The following DGKD variants were observed in gnomAD, a reference collection of about 807,000 sequenced individuals.
DGKD encodes DAG kinase delta.
DGKD carries 68 observed loss-of-function variants against 154.4 expected under a neutral mutation model. That is an observed-to-expected ratio of 0.44 (90% CI 0.36 to 0.54). DGKD has a LOEUF of 0.54. Among genes scored for constraint, DGKD ranks in the 20% least tolerant of loss-of-function variants. The pLI is 0.00. For synonymous variants in DGKD, 693 were observed against 638.0 expected (o/e 1.09, Z -1.30); for missense variants, 1,343 against 1,593.6 (o/e 0.84, Z 2.68).
chr2:233,357,628 C>T (rs1295717386), intron 1 of DGKD, among the ~76,000 whole-genome samples: 4 of 151,272 alleles, frequency 2.6e-5, no homozygotes, highest in Non-Finnish European at 4.4e-5. Flanking sequence ...CCTTTGCCTC[C>T]TGGGCTTAAG....
intron 1 of DGKD, among the ~76,000 whole-genome samples, chr2:233,373,255 T>C (rs1235624839): frequency 6.6e-6 from 1 of 152,174 alleles, no homozygotes; most frequent in African/African-American, 2.4e-5. Flanking sequence ...ACAGAATGCG[T>C]TTCAGCAGTG....
chr2:233,412,401 A>G (rs1350824456), intron 3 of DGKD, among the ~76,000 whole-genome samples: 2 of 152,200 alleles, frequency 1.3e-5, no homozygotes, highest in Non-Finnish European at 2.9e-5. Flanking sequence ...TGGAATTTAT[A>G]AACATTTTAT....
intron 3 of DGKD, among the ~76,000 whole-genome samples, chr2:233,398,503 A>G (rs949164325): frequency 6.6e-6 from 1 of 152,126 alleles, no homozygotes; most frequent in African/African-American, 2.4e-5. Context: ...CTCCAGGGAA[A>G]GATTTTCCTT....
At chr2:233,455,279 C>T (rs1200376393) in intron 19 of DGKD, among the ~76,000 whole-genome samples, 6 of 152,204 alleles carry the variant, frequency 3.9e-5, no homozygotes, top group South Asian at 2.1e-4. Flanking sequence ...CCATCACACC[C>T]GAGCCTGCCC....
chr2:233,422,788 C>T (rs943881482), intron 3 of DGKD, among the ~76,000 whole-genome samples: 1 of 152,128 alleles, frequency 6.6e-6, no homozygotes, highest in Non-Finnish European at 1.5e-5. Flanking sequence ...GTACCCTTTA[C>T]CCAGTTGCAT....
At chr2:233,429,953 AC>A (rs1463181272) in intron 3 of DGKD, among the ~76,000 whole-genome samples, 1 of 152,224 alleles carries the variant, frequency 6.6e-6, no homozygotes, top group African/African-American at 2.4e-5. Context: ...CCTGTAAAGC[AC>A]TTTCTATGGT....
Position 233,383,330 on chromosome 2 carries a change from C to G in DGKD, c.157-4927C>G, listed in dbSNP as rs953793490. On this transcript the variant is annotated intron_variant, in intron 1 of 29. Coordinates refer to ENST00000264057, the MANE Select transcript of DGKD (RefSeq NM_152879.3). ...TGCTGGAATTACAGGCATGAGCCAC[C>G]GCGCCCAGCCCGTTCCATGGGAGTT... Among the ~76,000 whole-genome samples, 19 of 152,200 alleles carry G rather than the reference C, an allele frequency of 1.2e-4. No individual in the cohort carries two copies. In the South Asian group the frequency reaches 3.9e-3, roughly 32 times the overall value.
At chr2:233,467,272 C>G in intron 28 of DGKD, 69 bp downstream of exon 28, 1 of 1,117,968 alleles carries the variant, frequency 8.9e-7, no homozygotes, top group Non-Finnish European at 1.4e-6. Flanking sequence ...TTCCCCTGGT[C>G]TCTGCTTTCT....
chr2:233,356,447 G>A (rs1026716838), intron 1 of DGKD, among the ~76,000 whole-genome samples: 1 of 152,178 alleles, frequency 6.6e-6, no homozygotes, highest in East Asian at 1.9e-4. Context: ...GATACTGATA[G>A]GAGTTGCTTT....
chr2:233,431,005 A>G (rs1179568189), intron 3 of DGKD, among the ~76,000 whole-genome samples: 1 of 152,236 alleles, frequency 6.6e-6, no homozygotes, highest in Non-Finnish European at 1.5e-5. Flanking sequence ...AAAAGAAATA[A>G]AGGGTATCCA....
At position 233,438,768 on chromosome 2, in the gene DGKD, A is replaced by G. The variant is rs766094887; in HGVS notation, c.1085+389A>G. On this transcript the variant is annotated intron_variant, in intron 9 of 29. Coordinates refer to ENST00000264057, the MANE Select transcript of DGKD (RefSeq NM_152879.3). The surrounding 1 kb of genome is among the most constrained non-coding windows in gnomAD (Gnocchi z 4.1). ...CTGTCTATCTATCATCTATCTATCT[A>G]TCTATCTATCTATCTATCTATCTAT... Among the ~76,000 whole-genome samples, 20,552 of 127,608 alleles carry G rather than the reference A, an allele frequency of 0.16. 1,583 individuals carry two copies. Among genetic ancestry groups the G allele is most frequent in the African/African-American group, 0.21 (7,612 of 35,714 alleles). 83.7% of individuals were successfully genotyped at this position (127,608 alleles called of 152,430 possible).
In DGKD at chr2:233,469,559, C is replaced by T; in HGVS notation, c.*99C>T. The T allele has an allele frequency of 9.5e-7, 1 of 1,048,372 alleles. No individual in the cohort carries two copies. Among genetic ancestry groups the T allele is most frequent in the Non-Finnish European group, 1.4e-6 (1 of 705,264 alleles). 64.9% of individuals were successfully genotyped at this position (1,048,372 alleles called of 1,614,324 possible). A position where few individuals can be genotyped will look rare whatever the true frequency, so the allele number is the denominator to read the frequency against. ...CTCTGCGCCTCCTGCCACTGAGGCCCTGGGCAGATGCTGCAGCCCGCCCCC... is the reference window on the plus strand; with the variant it reads ...CTCTGCGCCTCCTGCCACTGAGGCCTTGGGCAGATGCTGCAGCCCGCCCCC... On this transcript the variant is annotated 3_prime_UTR_variant, in exon 30 of 30. Coordinates refer to ENST00000264057, the MANE Select transcript of DGKD (RefSeq NM_152879.3).
intron 3 of DGKD, among the ~76,000 whole-genome samples, chr2:233,402,564 GGCAAGCCCCGCTGAA>G (rs1490093881): frequency 6.6e-6 from 1 of 152,106 alleles, no homozygotes; most frequent in African/African-American, 2.4e-5. Flanking sequence ...CCCCTTCCTT[GGCAAGCCCCGCTGAA>G]GAGGTGCTCA....
intron 3 of DGKD, among the ~76,000 whole-genome samples, chr2:233,423,675 G>T (rs2062194519): frequency 6.6e-6 from 1 of 152,064 alleles, no homozygotes; most frequent in African/African-American, 2.4e-5. Context: ...GGAGTGGGGT[G>T]GGCATGGTTT....
Position 233,434,766 on chromosome 2 carries a change from C to T in DGKD, c.454-3C>T. 1 of 1,600,846 alleles carries T rather than the reference C, an allele frequency of 6.2e-7. No individual in the cohort carries two copies. Among genetic ancestry groups the T allele is most frequent in the Non-Finnish European group, 8.5e-7 (1 of 1,174,262 alleles). The stretch of plus-strand genomic sequence containing the variant: ...CTTTGCCCTCTTGGTTTCGTTCTTC[C>T]AGCCCACCCAGTACAGCATGGACCA... On this transcript the variant is annotated splice_polypyrimidine_tract_variant and splice_region_variant and intron_variant, in intron 4 of 29. Transcript: ENST00000264057.
At chr2:233,450,533 G>C (rs2063241818) in intron 16 of DGKD, among the ~76,000 whole-genome samples, 2 of 152,274 alleles carry the variant, frequency 1.3e-5, no homozygotes, top group East Asian at 3.9e-4. Context: ...ACAGCCCACA[G>C]CGCAGGCCCT....
rs2063213395 is a variant in DGKD at position 233,449,904 on chromosome 2, G to A, written c.1889-78G>A. 6.8e-7 allele frequency: 1 copy of A among 1,480,576 alleles called. No homozygotes were observed. The highest frequency in any genetic ancestry group is 2.4e-5 in the East Asian group (1 of 42,340). The allele number at this position is 1,480,576 out of a possible 1,614,324, so 91.7% of individuals were successfully genotyped here. A position where few individuals can be genotyped will look rare whatever the true frequency, so the allele number is the denominator to read the frequency against. ...GAAGATCAGGCCGTGGGGTGAGGAT[G>A]AGGGGCCCTCCACCCAGCCTGACAG... On this transcript the variant is annotated intron_variant, in intron 15 of 29. Coordinates refer to ENST00000264057, the MANE Select transcript of DGKD (RefSeq NM_152879.3). The surrounding 1 kb of genome is among the most constrained non-coding windows in gnomAD (Gnocchi z 5.3).
At chr2:233,447,001 T>G (rs929560212) in intron 12 of DGKD, among the ~76,000 whole-genome samples, 1 of 152,160 alleles carries the variant, frequency 6.6e-6, no homozygotes, top group Admixed American at 6.5e-5. Context: ...TTTGTGACCC[T>G]CTAGGGGCTT....
intron 1 of DGKD, among the ~76,000 whole-genome samples, chr2:233,360,239 A>G (rs1701717042): frequency 6.6e-6 from 1 of 151,940 alleles, no homozygotes; most frequent in Non-Finnish European, 1.5e-5. Context: ...ACATAATAAG[A>G]TATTAGTTAA....
Sources: allele counts gnomAD v4.1 joint callset (sites outside exome capture counted in the v4.1 genomes callset), GRCh38; gene constraint gnomAD v4.1.1; non-coding constraint Gnocchi (gnomAD v3.1); transcripts MANE v1.5; gene names NCBI Gene and HGNC (gene_info 2026-07-23, HGNC 2026-07-21).